SGSM1: variants seen among roughly 807,000 people sequenced by gnomAD.
The protein encoded by SGSM1 is RUN and TBC1 domain containing 2.
A neutral mutation model predicts 133.8 loss-of-function variants in SGSM1; 73 were observed. The ratio of observed to expected loss-of-function variants is 0.55; its 90% CI spans 0.45 to 0.66. The LOEUF (loss-of-function observed/expected upper bound fraction) is 0.66, where lower values mean the gene tolerates loss of function less well. Among genes scored for constraint, SGSM1 ranks in the 30% least tolerant of loss-of-function variants. The pLI is 0.00. For missense variants in SGSM1, 1,213 were observed against 1,448.1 expected, an observed-to-expected ratio of 0.84 and a Z score of 2.64; for synonymous variants, 563 against 573.0, an observed-to-expected ratio of 0.98 and a Z score of 0.25.
At chr22:24,923,691 C>T (rs1017492247) in intron 24 of SGSM1, among the ~76,000 whole-genome samples, 3 of 152,118 alleles carry the variant, frequency 2.0e-5, no homozygotes, top group South Asian at 2.1e-4. Context: ...GGTGCAATCT[C>T]GGCTCACCAC....
intron 16 of SGSM1, among the ~76,000 whole-genome samples, chr22:24,890,149 G>A (rs1418730216): frequency 6.6e-6 from 1 of 151,740 alleles, no homozygotes; most frequent in Non-Finnish European, 1.5e-5. Flanking sequence ...GCAGAGACAG[G>A]GTTTTACCGT....
At chr22:24,834,078 C>G (rs1460462171) in intron 2 of SGSM1, among the ~76,000 whole-genome samples, 1 of 152,232 alleles carries the variant, frequency 6.6e-6, no homozygotes, top group East Asian at 1.9e-4. Flanking sequence ...AGGCAGGTGG[C>G]CGCGCTCCTG....
intron 2 of SGSM1, among the ~76,000 whole-genome samples, chr22:24,836,753 T>A (rs1569140169): frequency 1.3e-5 from 2 of 152,246 alleles, no homozygotes; most frequent in Non-Finnish European, 2.9e-5. Flanking sequence ...CCTATTCAAG[T>A]CCTTTGTCCA....
In SGSM1 at chr22:24,902,887, A is replaced by G. The variant is rs539998066; in HGVS notation, c.2735+930A>G. ...AGACCCCATCTCTACAAAAGTTTTA[A>G]TAAATTAGCCAGGCATGATTGTATA... is the stretch of plus-strand genomic sequence containing the variant. On this transcript the variant is annotated intron_variant, in intron 20 of 24. Coordinates refer to ENST00000400358, the MANE Select transcript of SGSM1 (RefSeq NM_001098497.3). Among the ~76,000 whole-genome samples the G allele has an allele frequency of 2.9e-4, 44 of 152,270 alleles. 1 individual carries two copies. The South Asian group carries it at 7.7e-3, about 26-fold the overall frequency.
At chr22:24,902,031 C>G in intron 20 of SGSM1, 74 bp downstream of exon 20, 1 of 1,440,266 alleles carries the variant, frequency 6.9e-7, no homozygotes, top group Non-Finnish European at 9.4e-7. Flanking sequence ...AGGGGGCCCG[C>G]CTAGAAGTTA....
intron 21 of SGSM1, among the ~76,000 whole-genome samples, chr22:24,906,475 C>T (rs1000289122): frequency 9.2e-5 from 14 of 152,094 alleles, no homozygotes; most frequent in South Asian, 2.1e-4. Context: ...TGTGATTTTG[C>T]GTATAGAAGA....
chr22:24,817,069 C>T (rs532429872), intron 2 of SGSM1, among the ~76,000 whole-genome samples: 6 of 152,184 alleles, frequency 3.9e-5, no homozygotes, highest in South Asian at 2.1e-4. Context: ...AGGAGAGTTA[C>T]GGTGAAATCA....
At chr22:24,914,115 C>T (rs906286077) in intron 22 of SGSM1, among the ~76,000 whole-genome samples, 8 of 151,784 alleles carry the variant, frequency 5.3e-5, no homozygotes, top group Non-Finnish European at 1.0e-4. Flanking sequence ...ACGGTGAAAC[C>T]CTGTCTCTAC....
chr22:24,811,868 CAA>C (rs757643471), intron 2 of SGSM1, among the ~76,000 whole-genome samples: 18 of 122,072 alleles, frequency 1.5e-4, no homozygotes, highest in Admixed American at 1.7e-4. Context: ...GACCCTGTCT[CAA>C]AAAAAAAAAA....
At chr22:24,822,410 C>T (rs1928537997) in intron 2 of SGSM1, among the ~76,000 whole-genome samples, 1 of 151,954 alleles carries the variant, frequency 6.6e-6, no homozygotes, top group Non-Finnish European at 1.5e-5. Context: ...CTTTTCTTTC[C>T]AACCCCTGGC....
chr22:24,839,930 C>CTT (rs1929688056), intron 2 of SGSM1, among the ~76,000 whole-genome samples: 2 of 79,252 alleles, frequency 2.5e-5, no homozygotes, highest in Admixed American at 3.4e-4. Context: ...CAAACCATCT[C>CTT]TCTTTTTTTT....
chr22:24,828,795 T>G (rs1162035143), intron 2 of SGSM1, among the ~76,000 whole-genome samples: 1 of 152,218 alleles, frequency 6.6e-6, no homozygotes, highest in Admixed American at 6.5e-5. Context: ...TGCAGTACTA[T>G]TCACAATAGC....
At position 24,893,541 on chromosome 22, in the gene SGSM1, A is replaced by G. The variant is rs1368679150; in HGVS notation, c.1881A>G (p.Lys627=). 6.2e-7 allele frequency: 1 copy of G among 1,609,020 alleles called. No homozygotes were observed. Among genetic ancestry groups the G allele is most frequent in the Non-Finnish European group, 8.5e-7 (1 of 1,177,798 alleles). The change falls in exon 17 of 25, where the codon AAA becomes AAG. Residue 627 remains lysine (K), a synonymous_variant. Transcript: ENST00000400358. ...AGTCCCATGCGGCCGCCCTGGCCAA[A>G]TGCTCATCCGGGGCCAGCTTGGACA... The part of the protein sequence containing the change: ...ERESHAAALA[K]CSSGASLDSH...
chr22:24,893,755 G>A (rs571372758), intron 17 of SGSM1, 142 bp downstream of exon 17: 211 of 947,250 alleles, frequency 2.2e-4, no homozygotes, highest in Non-Finnish European at 2.9e-4. Flanking sequence ...AAGAGTGTGC[G>A]GTGACTTTGG....
chr22:24,907,355 C>T (rs1224484288), intron 21 of SGSM1, among the ~76,000 whole-genome samples: 1 of 151,946 alleles, frequency 6.6e-6, no homozygotes, highest in East Asian at 1.9e-4. Context: ...AAGATTTGTA[C>T]ATTGAAAACT....
At chr22:24,858,385 C>T (rs918362800) in intron 8 of SGSM1, among the ~76,000 whole-genome samples, 7 of 152,198 alleles carry the variant, frequency 4.6e-5, no homozygotes, top group Non-Finnish European at 7.4e-5. Context: ...GAGGCCAAGG[C>T]GGGTGGATTA....
rs978289055 is a variant in SGSM1 at position 24,926,824 on chromosome 22, A to G, written c.*2550A>G. ...TTGTGTCTATATATAGAGAAAATATATATAAACAGAGAAATATGTGAATCT... is the reference window on the plus strand; with the variant it reads ...TTGTGTCTATATATAGAGAAAATATGTATAAACAGAGAAATATGTGAATCT... On this transcript the variant is annotated 3_prime_UTR_variant, in exon 25 of 25. Coordinates refer to ENST00000400358, the MANE Select transcript of SGSM1 (RefSeq NM_001098497.3). 6.6e-6 allele frequency: 1 copy of G among 151,344 alleles called. No individual in the cohort carries two copies. Among genetic ancestry groups the G allele is most frequent in the African/African-American group, 2.4e-5 (1 of 41,194 alleles). The allele number at this position is 151,344 out of a possible 1,614,324, so 9.4% of individuals were successfully genotyped here.
intron 16 of SGSM1, among the ~76,000 whole-genome samples, chr22:24,892,316 C>A (rs925977151): frequency 6.6e-6 from 1 of 152,078 alleles, no homozygotes; most frequent in Non-Finnish European, 1.5e-5. Context: ...TCTCTTTTCC[C>A]ATCCTGGCTC....
At chr22:24,908,756 C>T (rs1019138289) in intron 21 of SGSM1, among the ~76,000 whole-genome samples, 6 of 150,786 alleles carry the variant, frequency 4.0e-5, no homozygotes, top group African/African-American at 1.2e-4. Context: ...GAGCCGAGAT[C>T]GCGCCACTGC....
Sources: allele counts gnomAD v4.1 joint callset (sites outside exome capture counted in the v4.1 genomes callset), GRCh38; gene constraint gnomAD v4.1.1; transcripts MANE v1.5; gene names NCBI Gene and HGNC (gene_info 2026-07-23, HGNC 2026-07-21).